The following GALNT13 variants were observed in gnomAD, a reference collection of about 807,000 sequenced individuals.
GALNT13 encodes UDP-GalNAc:polypeptide N-acetylgalactosaminyltransferase 13.
A neutral mutation model predicts 64.2 loss-of-function variants in GALNT13; 28 were observed. The observed-to-expected ratio is 0.44, with a 90% CI of 0.32 to 0.60. The LOEUF (loss-of-function observed/expected upper bound fraction) is 0.60, where lower values mean the gene tolerates loss of function less well. Ranked by LOEUF, GALNT13 falls within the 20% of genes least tolerant of loss-of-function variation. GALNT13 has a pLI of 0.05. For missense variants in GALNT13, 577 were observed against 669.8 expected (o/e 0.86, Z 1.53); for synonymous variants, 214 against 224.6 (o/e 0.95, Z 0.42).
the GALNT13 span, among the ~76,000 whole-genome samples, chr2:153,178,081 A>G: frequency 6.6e-6 from 1 of 152,186 alleles, no homozygotes; most frequent in African/African-American, 2.4e-5. Flanking sequence ...AATTGGGAAT[A>G]TGTACATTTT....
At chr2:153,318,707 A>C in the GALNT13 span, among the ~76,000 whole-genome samples, 1 of 152,186 alleles carries the variant, frequency 6.6e-6, no homozygotes, top group Non-Finnish European at 1.5e-5. Context: ...TTGAGGCTAC[A>C]TTGAATTGGA....
intron 3 of GALNT13, among the ~76,000 whole-genome samples, chr2:154,118,711 T>C (rs73965387): frequency 0.05 from 7,642 of 152,112 alleles, 375 homozygotes; most frequent in African/African-American, 0.13. Flanking sequence ...CTACTTTTTT[T>C]GTTTGTGCTC....
chr2:153,888,235 A>G (rs1687317863), intron 1 of GALNT13, among the ~76,000 whole-genome samples: 1 of 152,004 alleles, frequency 6.6e-6, no homozygotes, highest in African/African-American at 2.4e-5. Flanking sequence ...TTTATTTCCA[A>G]ATCATTTGCA....
At chr2:154,236,145 G>C (rs536688951) in intron 4 of GALNT13, 1 of 1,117,718 alleles carries the variant, frequency 8.9e-7, no homozygotes, top group Non-Finnish European at 1.1e-6. Flanking sequence ...TTTCGTGACA[G>C]TAAATATTGT....
At chr2:154,013,583 C>T (rs1297179736) in intron 3 of GALNT13, among the ~76,000 whole-genome samples, 1 of 152,148 alleles carries the variant, frequency 6.6e-6, no homozygotes. Flanking sequence ...ACTGTGCTCA[C>T]TTGCGCCAGA....
the GALNT13 span, among the ~76,000 whole-genome samples, chr2:153,200,770 A>T: frequency 1.1e-4 from 16 of 152,206 alleles, no homozygotes; most frequent in Admixed American, 9.8e-4. Context: ...CTTAAATTAG[A>T]AAAAAGTGAG....
intron 1 of GALNT13, among the ~76,000 whole-genome samples, chr2:153,894,033 A>G (rs767829273): frequency 2.0e-5 from 3 of 152,128 alleles, no homozygotes; most frequent in Non-Finnish European, 2.9e-5. Flanking sequence ...TCCAGTTTTC[A>G]TCCCAGAAGA....
the GALNT13 span, among the ~76,000 whole-genome samples, chr2:153,790,353 C>A: frequency 2.0e-5 from 3 of 152,144 alleles, no homozygotes; most frequent in Admixed American, 6.5e-5. Context: ...TCAATAGAAG[C>A]AGAAAAGGCT....
the GALNT13 span, among the ~76,000 whole-genome samples, chr2:153,596,725 A>C: frequency 6.6e-6 from 1 of 152,078 alleles, no homozygotes; most frequent in Non-Finnish European, 1.5e-5. Context: ...AAGGAAAAAA[A>C]CTGAGAATAA....
chr2:153,306,187 C>G, the GALNT13 span, among the ~76,000 whole-genome samples: 7 of 152,198 alleles, frequency 4.6e-5, no homozygotes, highest in Admixed American at 1.3e-4. Flanking sequence ...CACTCCCCAG[C>G]AAACACTGCT....
chr2:154,198,576 T>G (rs766050764), intron 4 of GALNT13, among the ~76,000 whole-genome samples: 5 of 151,976 alleles, frequency 3.3e-5, no homozygotes, highest in Non-Finnish European at 7.4e-5. Flanking sequence ...TGAAAATGAT[T>G]GTAACTTCTT....
intron 4 of GALNT13, among the ~76,000 whole-genome samples, chr2:154,227,970 A>G (rs1308618018): frequency 6.6e-6 from 1 of 152,138 alleles, no homozygotes; most frequent in East Asian, 1.9e-4. Context: ...AAAATATGGT[A>G]ATTCTCAATC....
chr2:154,380,563 T>C (rs1698219194), intron 9 of GALNT13, among the ~76,000 whole-genome samples: 2 of 151,820 alleles, frequency 1.3e-5, no homozygotes, highest in Non-Finnish European at 2.9e-5. Flanking sequence ...TTCTGGGAGA[T>C]TTTCATAAGA....
the GALNT13 span, among the ~76,000 whole-genome samples, chr2:153,768,668 G>A: frequency 6.6e-6 from 1 of 152,040 alleles, no homozygotes; most frequent in African/African-American, 2.4e-5. Context: ...ATTGAGACCA[G>A]CCTGGCTAAC....
At chr2:153,406,302 A>G in the GALNT13 span, among the ~76,000 whole-genome samples, 4 of 152,132 alleles carry the variant, frequency 2.6e-5, no homozygotes, top group African/African-American at 7.2e-5. Flanking sequence ...TTAAACTTTG[A>G]AGTTCAAATT....
At chr2:153,613,704 T>A in the GALNT13 span, among the ~76,000 whole-genome samples, 3 of 152,312 alleles carry the variant, frequency 2.0e-5, no homozygotes, top group East Asian at 1.9e-4. Flanking sequence ...AATTCCCACC[T>A]ATGAGTGAGA....
the GALNT13 span, among the ~76,000 whole-genome samples, chr2:153,573,391 C>T: frequency 1.3e-5 from 2 of 151,870 alleles, no homozygotes; most frequent in African/African-American, 4.8e-5. Context: ...TTTTTCTCAT[C>T]CATTCACCCC....
the GALNT13 span, among the ~76,000 whole-genome samples, chr2:153,734,942 C>T: frequency 5.3e-5 from 8 of 152,128 alleles, no homozygotes; most frequent in Non-Finnish European, 1.0e-4. Flanking sequence ...GCTGTCTTTT[C>T]TCTTGCACCT....
the GALNT13 span, among the ~76,000 whole-genome samples, chr2:153,418,283 C>G: frequency 6.6e-6 from 1 of 152,136 alleles, no homozygotes; most frequent in African/African-American, 2.4e-5. Context: ...AACAAATTCC[C>G]CCCTAGCACC....
Sources: allele counts gnomAD v4.1 joint callset (sites outside exome capture counted in the v4.1 genomes callset), GRCh38; gene constraint gnomAD v4.1.1; transcripts MANE v1.5; gene names NCBI Gene and HGNC (gene_info 2026-07-23, HGNC 2026-07-21).